The following WASHC4 variants were observed in gnomAD, a reference collection of about 807,000 sequenced individuals.
The protein encoded by WASHC4 is WASH complex subunit 4.
Under a neutral mutation model 166.6 loss-of-function variants are expected in WASHC4, and 86 were observed. That is an observed-to-expected ratio of 0.52 (90% CI 0.43 to 0.62). The LOEUF (loss-of-function observed/expected upper bound fraction) is 0.62, where lower values mean the gene tolerates loss of function less well. WASHC4 is among the 20% of genes least tolerant of loss of function. The pLI, the probability that WASHC4 is intolerant of heterozygous loss-of-function variation, is 0.00. For missense variants in WASHC4, 1,262 were observed against 1,382.4 expected, an observed-to-expected ratio of 0.91 and a Z score of 1.38; for synonymous variants, 446 against 451.6, an observed-to-expected ratio of 0.99 and a Z score of 0.16.
rs1299905407 is a variant in WASHC4 at position 105,141,224 on chromosome 12, C to T, written c.1765C>T (p.Leu589Phe). ...PLQVVMKKLD[L>F]ISELRERVQT... ...TCAAGTAGTCATGAAAAAACTGGAT[C>T]TTATTAGTGAACTTAGAGAACGGTA... The change falls in exon 18 of 33, where the codon CTT (leucine) becomes TTT (phenylalanine). Residue 589 changes from leucine (L) to phenylalanine (F), a missense_variant. By Grantham distance (22) the Leu-to-Phe change is conservative (BLOSUM62 0). Coordinates refer to ENST00000332180, the MANE Select transcript of WASHC4 (RefSeq NM_015275.3). The T allele has an allele frequency of 6.2e-7, 1 of 1,610,606 alleles. No individual in the cohort carries two copies. Among genetic ancestry groups the T allele is most frequent in the South Asian group, 1.1e-5 (1 of 90,982 alleles).
chr12:105,118,424 T>C (rs1256531507), intron 6 of WASHC4, 22 bp from the exon 7 acceptor site: 16 of 1,527,276 alleles, frequency 1.0e-5, no homozygotes, highest in East Asian at 2.3e-5. Context: ...CTTTATAATA[T>C]ATACCCACCT....
At chr12:105,125,951 T>G in intron 10 of WASHC4, 53 bp from the exon 11 acceptor site, 1 of 1,549,268 alleles carries the variant, frequency 6.5e-7, no homozygotes, top group Non-Finnish European at 8.9e-7. Flanking sequence ...ATTTAAATGT[T>G]TAATCGTTTA....
chr12:105,116,913 T>A (rs1198626004), intron 6 of WASHC4, among the ~76,000 whole-genome samples: 7 of 152,166 alleles, frequency 4.6e-5, no homozygotes, highest in African/African-American at 1.7e-4. Context: ...AGAAGCCCCA[T>A]GAAACTGATG....
At chr12:105,141,344 A>ATCG (rs1250386861) in intron 18 of WASHC4, 98 bp downstream of exon 18, 1 of 900,028 alleles carries the variant, frequency 1.1e-6, no homozygotes, top group African/African-American at 1.6e-5. Flanking sequence ...TAAAATTCAG[A>ATCG]TCGAGCATTA....
Position 105,137,767 on chromosome 12 carries a change from T to G in WASHC4, c.1327-119T>G, listed in dbSNP as rs535271901. ...ATTTCCAAATCTTAAGAGCTGGCTT[T>G]AAGATGAACTTTAGAAACATTAGTT... On this transcript the variant is annotated intron_variant, in intron 14 of 32. Coordinates refer to ENST00000332180, the MANE Select transcript of WASHC4 (RefSeq NM_015275.3). The G allele has an allele frequency of 5.5e-5, 44 of 806,958 alleles. No homozygotes were observed. The Admixed American group carries it at 6.7e-4, about 12-fold the overall frequency. The allele number at this position is 806,958 out of a possible 1,614,324, so 50.0% of individuals were successfully genotyped here. A position where few individuals can be genotyped will look rare whatever the true frequency, so the allele number is the denominator to read the frequency against.
chr12:105,153,064 A>G (rs944468523), intron 26 of WASHC4, among the ~76,000 whole-genome samples: 1 of 152,226 alleles, frequency 6.6e-6, no homozygotes, highest in African/African-American at 2.4e-5. Flanking sequence ...CGTTTTAAAG[A>G]TGAAAAAAGA....
chr12:105,162,265 G>GA (rs2135843054), intron 29 of WASHC4, among the ~76,000 whole-genome samples: 1 of 152,300 alleles, frequency 6.6e-6, no homozygotes, highest in Admixed American at 6.5e-5. Flanking sequence ...TTAAGAACAT[G>GA]AAAAGAAATA....
chr12:105,127,868 T>C (rs555074922), intron 13 of WASHC4, among the ~76,000 whole-genome samples: 2 of 152,310 alleles, frequency 1.3e-5, no homozygotes, highest in Admixed American at 1.3e-4. Context: ...TCCTTATTTT[T>C]TATCTCTTAT....
At chr12:105,121,967 A>G (rs1288416975) in intron 9 of WASHC4, 151 bp from the exon 10 acceptor site, 5 of 595,742 alleles carry the variant, frequency 8.4e-6, no homozygotes, top group South Asian at 2.1e-5. Context: ...AGCGTAAGAA[A>G]ATCTATTAGG....
At chr12:105,164,057 A>C (rs1330948616) in intron 30 of WASHC4, 54 bp from the exon 31 acceptor site, 4 of 1,465,742 alleles carry the variant, frequency 2.7e-6, no homozygotes, top group Non-Finnish European at 3.8e-6. Context: ...GAAGGAGTAG[A>C]ATACCACTTC....
At position 105,115,244 on chromosome 12, in the gene WASHC4, C is replaced by T. The variant is rs1464348481; in HGVS notation, c.367+15C>T. On this transcript the variant is annotated intron_variant, in intron 5 of 32. Coordinates refer to ENST00000332180, the MANE Select transcript of WASHC4 (RefSeq NM_015275.3). ...TGGAGAAGGAGGTAAGTTTAAAATT[C>T]CAAATTGTGATGCCTTTTTGATATT... 2.0e-6 allele frequency: 3 copies of T among 1,521,606 alleles called. No individual in the cohort carries two copies. Among genetic ancestry groups the T allele is most frequent in the Non-Finnish European group, 2.7e-6 (3 of 1,096,904 alleles). 94.3% of individuals were successfully genotyped at this position (1,521,606 alleles called of 1,614,324 possible).
At chr12:105,115,114 T>C in intron 4 of WASHC4, 70 bp from the exon 5 acceptor site, 1 of 786,292 alleles carries the variant, frequency 1.3e-6, no homozygotes, top group Non-Finnish European at 2.2e-6. Flanking sequence ...AGTATACAGA[T>C]CTAAGAGAGC....
intron 18 of WASHC4, 88 bp from the exon 19 acceptor site, chr12:105,142,365 C>A (rs1225211407): frequency 1.3e-6 from 1 of 788,390 alleles, no homozygotes; most frequent in Non-Finnish European, 2.2e-6. Flanking sequence ...TAAGATGGAA[C>A]TCTTCCTTCT....
At chr12:105,117,731 G>T (rs1880321814) in intron 6 of WASHC4, among the ~76,000 whole-genome samples, 1 of 152,096 alleles carries the variant, frequency 6.6e-6, no homozygotes, top group South Asian at 2.1e-4. Context: ...AGAAATTCCT[G>T]TTCTCATAGA....
chr12:105,140,304 A>G lies in WASHC4; in HGVS notation c.1463A>G (p.His488Arg), dbSNP rs747368549. Residue 488 changes from histidine to arginine, a missense_variant, in exon 16 of 33, where the codon CAT becomes CGT. By Grantham distance (29) the His-to-Arg change is conservative. Transcript: ENST00000332180. The stretch of plus-strand genomic sequence containing the variant: ...TCTGATTCTTTTTAGGCAATAGAGC[A>G]TATGTTCTACAGGAGAAGCATGGTT... ...RLVELLKAIE[H>R]MFYRRSMVVA... is the part of the protein sequence containing the mutation. The G allele has an allele frequency of 1.8e-5, 29 of 1,610,984 alleles. No homozygotes were observed. The highest frequency in any genetic ancestry group is 6.7e-5 in the East Asian group (3 of 44,862).
intron 28 of WASHC4, among the ~76,000 whole-genome samples, chr12:105,158,102 TATC>T (rs1884288341): frequency 6.6e-6 from 1 of 152,198 alleles, no homozygotes; most frequent in Non-Finnish European, 1.5e-5. Flanking sequence ...TAAGAAGGGT[TATC>T]ATAAGAAGAT....
Position 105,147,114 on chromosome 12 carries a change from C to T in WASHC4, c.2482C>T (p.Arg828Ter), listed in dbSNP as rs1380868491. ...TATTCGGCATATTGCTAATTCAATTCGAACACATGGCACGGGAATTATGAA... is the reference window on the plus strand; with the variant it reads ...TATTCGGCATATTGCTAATTCAATTTGAACACATGGCACGGGAATTATGAA... The part of the protein sequence containing the change: ...INIRHIANSI[R>*]THGTGIMNTT... Residue 828 changes from arginine to a stop codon, truncating the protein, a stop_gained, in exon 24 of 33, where the codon CGA (arginine) becomes TGA (stop). Coordinates refer to ENST00000332180, the MANE Select transcript of WASHC4 (RefSeq NM_015275.3). LOFTEE classifies it high-confidence loss of function. 3.1e-6 allele frequency: 5 copies of T among 1,608,570 alleles called. No homozygotes were observed. Among genetic ancestry groups the T allele is most frequent in the South Asian group, 1.1e-5 (1 of 90,974 alleles).
At chr12:105,140,609 A>G (rs1454083372) in intron 16 of WASHC4, among the ~76,000 whole-genome samples, 1 of 151,988 alleles carries the variant, frequency 6.6e-6, no homozygotes, top group Non-Finnish European at 1.5e-5. Context: ...TAATACATTA[A>G]TACACTTCTA....
Position 105,118,488 on chromosome 12 carries a change from A to T in WASHC4, c.478A>T (p.Asn160Tyr). 1 of 1,613,626 alleles carries T rather than the reference A, an allele frequency of 6.2e-7. No homozygotes were observed. Among genetic ancestry groups the T allele is most frequent in the Non-Finnish European group, 8.5e-7 (1 of 1,179,516 alleles). The stretch of plus-strand genomic sequence containing the variant: ...TACGAGGTGCTATGAAGTGGTGATG[A>T]ACGTAGTCCACCAGTTGGCTGCCCT... ...FVTRCYEVVM[N>Y]VVHQLAALYI... is the part of the protein sequence containing the mutation. The change falls in exon 7 of 33, where the codon AAC becomes TAC. Residue 160 changes from asparagine (N) to tyrosine (Y), a missense_variant. Transcript: ENST00000332180.
Sources: allele counts gnomAD v4.1 joint callset (sites outside exome capture counted in the v4.1 genomes callset), GRCh38; gene constraint gnomAD v4.1.1; transcripts MANE v1.5; gene names NCBI Gene and HGNC (gene_info 2026-07-23, HGNC 2026-07-21).